Variants in NLGN1 observed in about 807,000 individuals in gnomAD.
NLGN1 encodes the protein neuroligin 1, also known as neuroligin-1.
A neutral mutation model predicts 65.5 loss-of-function variants in NLGN1; 12 were observed. The observed-to-expected ratio is 0.18, with a 90% CI of 0.12 to 0.30. NLGN1 has a LOEUF of 0.30. NLGN1 is among the 10% of genes least tolerant of loss of function. The pLI is 1.00. For missense variants in NLGN1, 750 were observed against 1,007.1 expected, an observed-to-expected ratio of 0.74 and a Z score of 3.46; for synonymous variants, 350 against 359.5, an observed-to-expected ratio of 0.97 and a Z score of 0.30.
chr3:173,991,386 T>C (rs2152412254), intron 4 of NLGN1, among the ~76,000 whole-genome samples: 1 of 152,302 alleles, frequency 6.6e-6, no homozygotes, highest in African/African-American at 2.4e-5. Context: ...ATATATTCAA[T>C]GACAAAACAT....
chr3:173,486,925 T>C (rs1040860923), intron 2 of NLGN1, among the ~76,000 whole-genome samples: 11 of 151,984 alleles, frequency 7.2e-5, no homozygotes, highest in Non-Finnish European at 1.6e-4. Flanking sequence ...TCTTATTTTC[T>C]GATATATGCA....
intron 4 of NLGN1, among the ~76,000 whole-genome samples, chr3:173,828,477 A>T (rs143788664): frequency 6.6e-6 from 1 of 152,156 alleles, no homozygotes; most frequent in Non-Finnish European, 1.5e-5. Context: ...ATATCCTTCT[A>T]TGCTAGATAC....
At chr3:173,913,844 T>G (rs1475036914) in intron 4 of NLGN1, among the ~76,000 whole-genome samples, 1 of 152,112 alleles carries the variant, frequency 6.6e-6, no homozygotes, top group Admixed American at 6.6e-5. Flanking sequence ...AAACATACAC[T>G]AAAAAAGATA....
chr3:174,227,253 G>A (rs891606860), intron 4 of NLGN1, among the ~76,000 whole-genome samples: 2 of 152,066 alleles, frequency 1.3e-5, no homozygotes, highest in African/African-American at 4.8e-5. Flanking sequence ...AATTCATTAC[G>A]TTAATCCAAA....
intron 3 of NLGN1, among the ~76,000 whole-genome samples, chr3:173,790,442 C>G (rs973330473): frequency 1.3e-5 from 2 of 152,126 alleles, no homozygotes; most frequent in African/African-American, 4.8e-5. Context: ...TCATTACTCT[C>G]ACTGTATTCT....
chr3:173,864,887 C>T (rs992771216), intron 4 of NLGN1, among the ~76,000 whole-genome samples: 1 of 152,066 alleles, frequency 6.6e-6, no homozygotes, highest in Non-Finnish European at 1.5e-5. Context: ...GATGGAAAAC[C>T]TAGAATGAGA....
chr3:173,675,079 A>C (rs1762941642), intron 3 of NLGN1, among the ~76,000 whole-genome samples: 1 of 152,054 alleles, frequency 6.6e-6, no homozygotes, highest in Non-Finnish European at 1.5e-5. Flanking sequence ...TAATTTATAA[A>C]ACATATTAAT....
intron 2 of NLGN1, among the ~76,000 whole-genome samples, chr3:173,536,708 T>G (rs192091863): frequency 2.6e-5 from 4 of 152,306 alleles, no homozygotes; most frequent in Admixed American, 1.3e-4. Context: ...GATGTATTAG[T>G]CAGGACTCTC....
chr3:173,942,236 G>A (rs1371336056), intron 4 of NLGN1, among the ~76,000 whole-genome samples: 9 of 151,156 alleles, frequency 6.0e-5, no homozygotes, highest in African/African-American at 2.2e-4. Flanking sequence ...CTATATTCTG[G>A]GCATCTTATA....
At chr3:173,995,306 A>C (rs1678523855) in intron 4 of NLGN1, among the ~76,000 whole-genome samples, 1 of 152,184 alleles carries the variant, frequency 6.6e-6, no homozygotes, top group Non-Finnish European at 1.5e-5. Context: ...CACCTGCCTC[A>C]TTCTCGTCTC....
At chr3:173,858,425 C>A (rs1220823959) in intron 4 of NLGN1, among the ~76,000 whole-genome samples, 1 of 151,862 alleles carries the variant, frequency 6.6e-6, no homozygotes, top group Non-Finnish European at 1.5e-5. Flanking sequence ...AAAACAGTTA[C>A]CTTCTGTTTT....
chr3:173,457,328 T>C (rs1287562832), intron 2 of NLGN1, among the ~76,000 whole-genome samples: 1 of 152,164 alleles, frequency 6.6e-6, no homozygotes, highest in East Asian at 1.9e-4. Context: ...GCACAGTTGC[T>C]GCATGTGGTT....
intron 4 of NLGN1, among the ~76,000 whole-genome samples, chr3:174,022,703 C>T (rs1171729880): frequency 1.4e-5 from 2 of 139,448 alleles, no homozygotes; most frequent in African/African-American, 5.9e-5. Context: ...AATCGTGGCT[C>T]TAGATTTTTT....
chr3:174,163,616 T>C (rs1726975606), intron 4 of NLGN1, among the ~76,000 whole-genome samples: 1 of 152,024 alleles, frequency 6.6e-6, no homozygotes, highest in African/African-American at 2.4e-5. Context: ...CCAGTGTCTC[T>C]GGTTACCATC....
chr3:173,982,946 A>G lies in NLGN1; in HGVS notation c.646+175114A>G, dbSNP rs543425381. Among the ~76,000 whole-genome samples, 139 of 152,330 alleles carry G rather than the reference A, an allele frequency of 9.1e-4. 2 individuals are homozygous for G. In the South Asian group the frequency reaches 0.024, roughly 26 times the overall value. ...TTAGACAAATGAGTAGAATGTGGAT[A>G]GTCATCTAAAGATCATAGATAGAAT... is the stretch of plus-strand genomic sequence containing the variant. On this transcript the variant is annotated intron_variant, in intron 4 of 6. Coordinates refer to ENST00000457714, the Ensembl canonical transcript of NLGN1.
intron 2 of NLGN1, among the ~76,000 whole-genome samples, chr3:173,563,573 C>T (rs936665090): frequency 3.9e-5 from 6 of 152,172 alleles, no homozygotes; most frequent in African/African-American, 7.2e-5. Flanking sequence ...CTCTTTGATA[C>T]GCTTGTATCT....
chr3:173,827,052 A>AT (rs1560447837), intron 4 of NLGN1, among the ~76,000 whole-genome samples: 1 of 152,094 alleles, frequency 6.6e-6, no homozygotes, highest in Non-Finnish European at 1.5e-5. Context: ...TTAGGAAAGA[A>AT]TGCTCTAAAA....
chr3:173,615,711 A>G (rs1056087957), intron 3 of NLGN1, among the ~76,000 whole-genome samples: 2 of 151,622 alleles, frequency 1.3e-5, no homozygotes, highest in Non-Finnish European at 2.9e-5. Flanking sequence ...TGCTCTGCCA[A>G]GAAGCAATGG....
At chr3:173,969,445 T>A (rs1314531123) in intron 4 of NLGN1, among the ~76,000 whole-genome samples, 1 of 152,120 alleles carries the variant, frequency 6.6e-6, no homozygotes, top group Non-Finnish European at 1.5e-5. Flanking sequence ...TATTACCCAT[T>A]CATAAACACT....
Sources: allele counts gnomAD v4.1 joint callset (sites outside exome capture counted in the v4.1 genomes callset), GRCh38; gene constraint gnomAD v4.1.1; transcripts MANE v1.5; gene names NCBI Gene and HGNC (gene_info 2026-07-23, HGNC 2026-07-21).